The following LRRC4B variants were observed in gnomAD, a reference collection of about 807,000 sequenced individuals.
LRRC4B encodes the protein leucine-rich repeat-containing protein 4B.
LRRC4B carries 1 observed loss-of-function variant against 7.3 expected under a neutral mutation model. That is an observed-to-expected ratio of 0.14 (90% CI 0.05 to 0.65). LRRC4B has a LOEUF of 0.65. LRRC4B is among the 30% of genes least tolerant of loss of function. LRRC4B has a pLI of 0.84. For synonymous variants in LRRC4B, 500 were observed against 499.2 expected, an observed-to-expected ratio of 1.00 and a Z score of -0.02; for missense variants, 730 against 1,041.6, an observed-to-expected ratio of 0.70 and a Z score of 4.12.
In LRRC4B at chr19:50,548,554, C is replaced by A. The variant is rs11882560; in HGVS notation, c.285G>T (p.Glu95Asp). 1 of 1,597,940 alleles carries A rather than the reference C, an allele frequency of 6.3e-7. No individual in the cohort carries two copies. Among genetic ancestry groups the A allele is most frequent in the Admixed American group, 1.7e-5 (1 of 59,456 alleles). The change falls in exon 2 of 3, where the codon GAG (glutamate) becomes GAT (aspartate). Residue 95 changes from glutamate (E) to aspartate (D), a missense_variant. By Grantham distance (45) the Glu-to-Asp change is conservative (BLOSUM62 2). Coordinates refer to ENST00000652263, the MANE Select transcript of LRRC4B (RefSeq NM_001080457.2). This position sits in a 1 kb window ranked among gnomAD's most constrained non-coding sequence, Gnocchi z 6.8. ...PVNTRYLNLQ[E>D]NGIQVIRTDT... ...TGGCCCCGCATACCTGGATGCCGTT[C>A]TCTTGCAGGTTCAGGTACCGCGTGT...
At chr19:50,533,895 C>T (rs1981157741) in intron 2 of LRRC4B, among the ~76,000 whole-genome samples, 1 of 152,298 alleles carries the variant, frequency 6.6e-6, no homozygotes, top group East Asian at 1.9e-4. Flanking sequence ...AGTTGCAGAA[C>T]CAAGACTCAA....
chr19:50,564,686 C>T (rs1025892455), intron 1 of LRRC4B, among the ~76,000 whole-genome samples: 2 of 151,800 alleles, frequency 1.3e-5, no homozygotes, highest in Non-Finnish European at 2.9e-5. Flanking sequence ...GGTGACACCT[C>T]GAGACAGATG....
rs375120749 is a variant in LRRC4B, at chr19:50,537,581, C to T, written c.297+10961G>A. Among the ~76,000 whole-genome samples, 86 of 152,256 alleles carry T rather than the reference C, an allele frequency of 5.6e-4. 2 individuals are homozygous for T. In the South Asian group the frequency reaches 0.017, roughly 30 times the overall value. ...GATACTCCCACCCAGCAGCCTGTCC[C>T]GAGGCTCAGGGGCCATGTGGCTTTG... On this transcript the variant is annotated intron_variant, in intron 2 of 2. Transcript: ENST00000652263. The surrounding 1 kb of genome is among the most constrained non-coding windows in gnomAD (Gnocchi z 5.5).
At chr19:50,542,912 C>T (rs756850919) in intron 2 of LRRC4B, among the ~76,000 whole-genome samples, 54 of 152,162 alleles carry the variant, frequency 3.5e-4, no homozygotes, top group South Asian at 8.3e-4. Flanking sequence ...AGGCCAGCAC[C>T]GTCACCCCGT....
At position 50,563,775 on chromosome 19, in the gene LRRC4B, G is replaced by C. The variant is rs1982543936; in HGVS notation, c.-36+4169C>G. 6.6e-6 allele frequency among the ~76,000 whole-genome samples: 1 copy of C among 152,222 alleles called. No homozygotes were observed. Among genetic ancestry groups the C allele is most frequent in the South Asian group, 2.1e-4 (1 of 4,834 alleles). ...CACGCAACGCTGACTTTCCAACACT[G>C]TGAGGGGCTGGCAGTTTCACAGCAG... On this transcript the variant is annotated intron_variant, in intron 1 of 2. Coordinates refer to ENST00000652263, the MANE Select transcript of LRRC4B (RefSeq NM_001080457.2). The surrounding 1 kb of genome is among the most constrained non-coding windows in gnomAD (Gnocchi z 4.9).
chr19:50,544,379 C>T (rs1401803339), intron 2 of LRRC4B, among the ~76,000 whole-genome samples: 8 of 151,622 alleles, frequency 5.3e-5, no homozygotes, highest in African/African-American at 1.2e-4. Flanking sequence ...TGGTGGCGGG[C>T]ACCTGTAGTC....
In LRRC4B at chr19:50,568,356, C is replaced by T. The variant is rs1012685219; in HGVS notation, c.-448G>A. Among the ~76,000 whole-genome samples, 1 of 143,624 alleles carries T rather than the reference C, an allele frequency of 7.0e-6. No individual in the cohort carries two copies. Among genetic ancestry groups the T allele is most frequent in the Admixed American group, 6.9e-5 (1 of 14,578 alleles). The allele number at this position is 143,624 out of a possible 152,430, so 94.2% of individuals were successfully genotyped here. On this transcript the variant is annotated 5_prime_UTR_variant, in exon 1 of 3. Transcript: ENST00000652263. ...CACCCCACCCCCCCCCAGGCCCCGG[C>T]CCCGGCCCCGGCCCCCGCCTCGGAC...
chr19:50,567,385 C>G (rs1181646305), intron 1 of LRRC4B, among the ~76,000 whole-genome samples: 1 of 151,774 alleles, frequency 6.6e-6, no homozygotes, highest in Non-Finnish European at 1.5e-5. Flanking sequence ...CCCCCTCCGT[C>G]TTTCCCATTT....
chr19:50,542,533 T>G (rs11878980), intron 2 of LRRC4B, among the ~76,000 whole-genome samples: 33,498 of 148,336 alleles, frequency 0.23, 4,146 homozygotes, highest in African/African-American at 0.32. Context: ...CGGGAGTGCA[T>G]TGGTGTGATC....
intron 1 of LRRC4B, among the ~76,000 whole-genome samples, chr19:50,554,381 C>A (rs889081138): frequency 6.6e-6 from 1 of 152,114 alleles, no homozygotes; most frequent in Non-Finnish European, 1.5e-5. Context: ...CCCAGCACCA[C>A]CCGGATGGCT....
At chr19:50,561,783 A>G (rs1314947089) in intron 1 of LRRC4B, among the ~76,000 whole-genome samples, 1 of 151,194 alleles carries the variant, frequency 6.6e-6, no homozygotes, top group Non-Finnish European at 1.5e-5. Context: ...GTTATTAACA[A>G]CCTAATTATT....
chr19:50,557,492 C>A (rs1316353962), intron 1 of LRRC4B: 2 of 152,198 alleles, frequency 1.3e-5, no homozygotes, highest in African/African-American at 4.8e-5. Context: ...GCAAGGGGGC[C>A]CAAGTAGGGC....
intron 2 of LRRC4B, among the ~76,000 whole-genome samples, chr19:50,522,883 T>C (rs895772908): frequency 1.3e-5 from 2 of 152,252 alleles, no homozygotes; most frequent in Admixed American, 1.3e-4. Context: ...ACCTATACTA[T>C]CTATTACTAT....
chr19:50,526,346 G>C (rs1422809382), intron 2 of LRRC4B, among the ~76,000 whole-genome samples: 3 of 152,060 alleles, frequency 2.0e-5, no homozygotes, highest in African/African-American at 7.2e-5. Flanking sequence ...ATACCTCCCT[G>C]CATCTGTCCT....
At chr19:50,541,912 G>A (rs964150961) in intron 2 of LRRC4B, among the ~76,000 whole-genome samples, 1 of 152,128 alleles carries the variant, frequency 6.6e-6, no homozygotes, top group Non-Finnish European at 1.5e-5. Flanking sequence ...ATGGACGGGG[G>A]TGGGTGCCCA....
At position 50,563,480 on chromosome 19, in the gene LRRC4B, A is replaced by G. The variant is rs1217385795; in HGVS notation, c.-36+4464T>C. Among the ~76,000 whole-genome samples, 2 of 152,164 alleles carry G rather than the reference A, an allele frequency of 1.3e-5. No homozygotes were observed. Among genetic ancestry groups the G allele is most frequent in the Admixed American group, 6.5e-5 (1 of 15,286 alleles). The stretch of plus-strand genomic sequence containing the variant: ...GGTGGAGGGGATGCTGCTGGGCTTG[A>G]GCGCTGCCAGGCACAGAGGGGAGCC... On this transcript the variant is annotated intron_variant, in intron 1 of 2. Coordinates refer to ENST00000652263, the MANE Select transcript of LRRC4B (RefSeq NM_001080457.2). This position sits in a 1 kb window ranked among gnomAD's most constrained non-coding sequence, Gnocchi z 4.9.
chr19:50,551,639 G>A lies in LRRC4B; in HGVS notation c.-35-2766C>T, dbSNP rs1439704920. Among the ~76,000 whole-genome samples the A allele has an allele frequency of 2.5e-5, 3 of 120,100 alleles. No homozygotes were observed. In the Admixed American group the frequency reaches 2.8e-4, roughly 11 times the overall value. The allele number at this position is 120,100 out of a possible 152,430, so 78.8% of individuals were successfully genotyped here. A position where few individuals can be genotyped will look rare whatever the true frequency, so the allele number is the denominator to read the frequency against. On this transcript the variant is annotated intron_variant, in intron 1 of 2. Coordinates refer to ENST00000652263, the MANE Select transcript of LRRC4B (RefSeq NM_001080457.2). ...CCCCCCTCACAATCTTGCCTCCCTC[G>A]GGACCCCCAGGCCCCTTCTCTCCTT...
chr19:50,530,178 C>T (rs903894303), intron 2 of LRRC4B, among the ~76,000 whole-genome samples: 2 of 152,210 alleles, frequency 1.3e-5, no homozygotes, highest in African/African-American at 2.4e-5. Flanking sequence ...GCCTGGGCTT[C>T]AGTCTCTCCC....
rs558242111 is a variant in LRRC4B at position 50,518,879 on chromosome 19, C to T, written c.834G>A (p.Ser278=). 15 of 1,613,934 alleles carry T rather than the reference C, an allele frequency of 9.3e-6. No individual in the cohort carries two copies. Among genetic ancestry groups the T allele is most frequent in the Non-Finnish European group, 1.3e-5 (15 of 1,179,982 alleles). ...TGTGGGACAGGTTGAGCTCCTCCAG[C>T]GACTTGAGGTCGTCGAAGGCGTTGC... ...IERNAFDDLK[S]LEELNLSHNN... The change falls in exon 3 of 3, where the codon TCG becomes TCA. Residue 278 remains serine (S), a synonymous_variant. Transcript: ENST00000652263.
Sources: gnomAD v4.1 joint callset for allele counts (sites outside exome capture counted in the v4.1 genomes callset) on GRCh38, gnomAD v4.1.1 for gene constraint, Gnocchi (gnomAD v3.1) non-coding constraint, MANE v1.5 for transcripts, NCBI Gene and HGNC (gene_info 2026-07-23, HGNC 2026-07-21) for gene names.